Variants in SLC35D2 observed in about 807,000 individuals in gnomAD.
The protein encoded by SLC35D2 is nucleotide sugar transporter SLC35D2.
SLC35D2 carries 43 observed loss-of-function variants against 41.8 expected under a neutral mutation model. The ratio of observed to expected loss-of-function variants is 1.03; its 90% confidence interval spans 0.81 to 1.33. The LOEUF is 1.33. SLC35D2 is among the 40% of genes most tolerant of loss of function. The pLI is 0.00. For missense variants in SLC35D2, 380 were observed against 408.4 expected, an observed-to-expected ratio of 0.93 and a Z score of 0.60; for synonymous variants, 150 against 163.9, an observed-to-expected ratio of 0.92 and a Z score of 0.65.
chr9:96,349,648 C>CT (rs2130928381), intron 6 of SLC35D2, among the ~76,000 whole-genome samples: 1 of 152,290 alleles, frequency 6.6e-6, no homozygotes, highest in East Asian at 1.9e-4. Flanking sequence ...ACCTCAGCCT[C>CT]CTGAGTAGCT....
chr9:96,317,793 G>A (rs1828089488), downstream of SLC35D2, among the ~76,000 whole-genome samples: 1 of 151,748 alleles, frequency 6.6e-6, no homozygotes, highest in Non-Finnish European at 1.5e-5. Flanking sequence ...GGAGGCCGAG[G>A]AGGGTGGATC....
intron 4 of SLC35D2, 26 bp from the exon 5 acceptor site, chr9:96,352,135 C>G: frequency 6.5e-7 from 1 of 1,548,778 alleles, no homozygotes; most frequent in Admixed American, 1.7e-5. Context: ...TGAAGCATGT[C>G]AGACACCAAG....
At chr9:96,355,959 C>T (rs1004029666) in intron 4 of SLC35D2, among the ~76,000 whole-genome samples, 3 of 152,174 alleles carry the variant, frequency 2.0e-5, no homozygotes, top group African/African-American at 7.2e-5. Flanking sequence ...GGATATCTGA[C>T]CCTTTATGCC....
At chr9:96,340,274 CAGTG>C (rs1389905942) in intron 8 of SLC35D2, among the ~76,000 whole-genome samples, 1 of 151,982 alleles carries the variant, frequency 6.6e-6, no homozygotes, top group East Asian at 1.9e-4. Flanking sequence ...TTGCAGATTA[CAGTG>C]AGTGTCTCAT....
intron 3 of SLC35D2, among the ~76,000 whole-genome samples, chr9:96,360,628 CAAAAAAAAAA>C (rs906000581): frequency 3.8e-4 from 6 of 15,698 alleles, no homozygotes; most frequent in African/African-American, 7.7e-4. Flanking sequence ...GACTTCATCT[CAAAAAAAAAA>C]AAAAAAAAAA....
At chr9:96,382,403 A>G (rs1408256178) in intron 1 of SLC35D2, among the ~76,000 whole-genome samples, 1 of 151,434 alleles carries the variant, frequency 6.6e-6, no homozygotes, top group African/African-American at 2.4e-5. Flanking sequence ...GCAGTGAGTC[A>G]TGATTGTGTC....
intron 10 of SLC35D2, 41 bp from the exon 11 acceptor site, chr9:96,322,121 CT>C (rs768136439): frequency 3.2e-6 from 4 of 1,258,558 alleles, no homozygotes; most frequent in Non-Finnish European, 4.6e-6. Flanking sequence ...TAAAAGTAAA[CT>C]GTTTAGGGGA....
At chr9:96,368,568 C>T (rs1318992912) in intron 1 of SLC35D2, among the ~76,000 whole-genome samples, 1 of 151,724 alleles carries the variant, frequency 6.6e-6, no homozygotes, top group Non-Finnish European at 1.5e-5. Context: ...AGCTTCCTGC[C>T]ACCCAGGCTG....
At chr9:96,322,717 G>GGT (rs1401477705) in intron 10 of SLC35D2, among the ~76,000 whole-genome samples, 3 of 111,406 alleles carry the variant, frequency 2.7e-5, no homozygotes, top group African/African-American at 3.8e-5. Flanking sequence ...GTTTTCTGGG[G>GGT]TTTTTTTTTT....
chr9:96,350,868 C>T (rs1386928406), intron 6 of SLC35D2: 17 of 371,570 alleles, frequency 4.6e-5, no homozygotes, highest in Non-Finnish European at 8.2e-5. Context: ...TGAAGAAAAG[C>T]TATATTAATA....
At chr9:96,362,498 A>T (rs148302186) in intron 3 of SLC35D2, among the ~76,000 whole-genome samples, 1 of 151,824 alleles carries the variant, frequency 6.6e-6, no homozygotes, top group African/African-American at 2.4e-5. Context: ...TAAGAGCAAA[A>T]CTCCATCTCA....
intron 6 of SLC35D2, among the ~76,000 whole-genome samples, chr9:96,345,970 T>C (rs1829558365): frequency 6.6e-6 from 1 of 152,210 alleles, no homozygotes; most frequent in African/African-American, 2.4e-5. Context: ...ATTTCCATTA[T>C]AAATAGCACC....
intron 9 of SLC35D2, among the ~76,000 whole-genome samples, chr9:96,334,289 T>A (rs1828949713): frequency 6.6e-6 from 1 of 152,106 alleles, no homozygotes; most frequent in African/African-American, 2.4e-5. Flanking sequence ...ATACAACTTG[T>A]CCCTATAGAA....
chr9:96,334,413 G>T (rs1828954910), intron 9 of SLC35D2, among the ~76,000 whole-genome samples: 1 of 152,144 alleles, frequency 6.6e-6, no homozygotes, highest in East Asian at 1.9e-4. Context: ...CGAGGCAGGT[G>T]GATCACCTGA....
At chr9:96,373,521 T>C (rs946269930) in intron 1 of SLC35D2, among the ~76,000 whole-genome samples, 2 of 151,950 alleles carry the variant, frequency 1.3e-5, no homozygotes, top group Non-Finnish European at 2.9e-5. Context: ...ACCCCATCTC[T>C]ACTGAAAATA....
chr9:96,360,214 G>C lies in SLC35D2; in HGVS notation c.287C>G (p.Pro96Arg). The C allele has an allele frequency of 6.2e-7, 1 of 1,610,314 alleles. No individual in the cohort carries two copies. Among genetic ancestry groups the C allele is most frequent in the Non-Finnish European group, 8.5e-7 (1 of 1,177,964 alleles). The change falls in exon 4 of 12, where the codon CCT becomes CGT. Residue 96 changes from proline to arginine, a missense_variant. Coordinates refer to ENST00000253270, the MANE Select transcript of SLC35D2 (RefSeq NM_007001.3). ...GTTTCCAACGTAGAGGAGAGGCAGA[G>C]GAAACAGCTTCCATTAAAAAAAAAA... ...FDKKIPVKLF[P>R]LPLLYVGNHI...
chr9:96,320,377 G>A (rs982661244), downstream of SLC35D2, among the ~76,000 whole-genome samples: 3 of 152,130 alleles, frequency 2.0e-5, no homozygotes, highest in South Asian at 2.1e-4. Context: ...TTAGCAGGGC[G>A]TGGTGGCAGA....
chr9:96,331,289 T>C (rs1302059298), intron 9 of SLC35D2, among the ~76,000 whole-genome samples: 1 of 152,218 alleles, frequency 6.6e-6, no homozygotes, highest in African/African-American at 2.4e-5. Context: ...AAATGCGTGA[T>C]TGCCTCCTCC....
intron 5 of SLC35D2, 134 bp from the exon 6 acceptor site, chr9:96,351,305 C>T: frequency 1.6e-6 from 1 of 637,864 alleles, no homozygotes; most frequent in Non-Finnish European, 2.8e-6. Flanking sequence ...ATGCTTGATG[C>T]AGAGAAAGCA....
Sources: allele counts gnomAD v4.1 joint callset (sites outside exome capture counted in the v4.1 genomes callset), GRCh38; gene constraint gnomAD v4.1.1; transcripts MANE v1.5; gene names NCBI Gene and HGNC (gene_info 2026-07-23, HGNC 2026-07-21).